KHDRBS2: variants seen among roughly 807,000 people sequenced by gnomAD.
KHDRBS2 encodes KH domain-containing, RNA-binding, signal transduction-associated protein 2.
In KHDRBS2, 26 loss-of-function variants were observed where a neutral mutation model predicts 44.3. The observed-to-expected ratio is 0.59, with a 90% CI of 0.43 to 0.81. The LOEUF (loss-of-function observed/expected upper bound fraction) is 0.81. Among genes scored for constraint, KHDRBS2 ranks in the 40% least tolerant of loss-of-function variants. The pLI is 0.00. For synonymous variants in KHDRBS2, 194 were observed against 151.1 expected (o/e 1.28, Z -2.08); for missense variants, 476 against 433.1 (o/e 1.10, Z -0.88).
At chr6:61,583,700 T>G in the KHDRBS2 span, among the ~76,000 whole-genome samples, 1 of 151,662 alleles carries the variant, frequency 6.6e-6, no homozygotes, top group Admixed American at 6.6e-5. Context: ...CTAGTTCCTT[T>G]GTTTTTTTAA....
At chr6:61,731,324 G>T (rs1330064044) in intron 7 of KHDRBS2, among the ~76,000 whole-genome samples, 1 of 151,932 alleles carries the variant, frequency 6.6e-6, no homozygotes, top group South Asian at 2.1e-4. Context: ...CAGCAAAAGC[G>T]CTTGGCTCAT....
At chr6:62,013,837 C>T (rs1780730938) in intron 3 of KHDRBS2, among the ~76,000 whole-genome samples, 1 of 152,144 alleles carries the variant, frequency 6.6e-6, no homozygotes, top group African/African-American at 2.4e-5. Context: ...GACATAAACA[C>T]TTCAGTAAAG....
At chr6:61,577,148 T>C in the KHDRBS2 span, among the ~76,000 whole-genome samples, 2 of 151,808 alleles carry the variant, frequency 1.3e-5, no homozygotes, top group African/African-American at 4.8e-5. Flanking sequence ...TTTTGTTTTT[T>C]TTTTTTAACC....
At chr6:61,687,859 G>A (rs1301234322) in intron 8 of KHDRBS2, among the ~76,000 whole-genome samples, 1 of 151,696 alleles carries the variant, frequency 6.6e-6, no homozygotes, top group African/African-American at 2.4e-5. Context: ...TGCATGTGAT[G>A]CATAATTTTT....
intron 6 of KHDRBS2, among the ~76,000 whole-genome samples, chr6:61,828,334 A>G (rs374871735): frequency 1.3e-4 from 20 of 152,192 alleles, no homozygotes; most frequent in African/African-American, 4.6e-4. Context: ...AGGTGCTGGT[A>G]TCTTAAGAGG....
the KHDRBS2 span, among the ~76,000 whole-genome samples, chr6:61,629,921 G>T: frequency 1.3e-5 from 2 of 152,108 alleles, no homozygotes; most frequent in East Asian, 1.9e-4. Context: ...ATCTTGCTTT[G>T]TCAAATATAA....
intron 1 of KHDRBS2, among the ~76,000 whole-genome samples, chr6:62,211,856 C>T (rs528684364): frequency 9.9e-5 from 15 of 152,194 alleles, no homozygotes; most frequent in Admixed American, 3.3e-4. Context: ...TACATGCACA[C>T]GTATGTTCAT....
chr6:61,990,319 C>A (rs916831147), intron 3 of KHDRBS2, among the ~76,000 whole-genome samples: 9 of 151,858 alleles, frequency 5.9e-5, no homozygotes, highest in South Asian at 2.1e-4. Context: ...GAAGGTAGAC[C>A]CAGGAAAGTT....
downstream of KHDRBS2, among the ~76,000 whole-genome samples, chr6:61,675,591 A>T (rs1243637141): frequency 6.6e-6 from 1 of 151,818 alleles, no homozygotes; most frequent in African/African-American, 2.4e-5. Flanking sequence ...TAAATATTAC[A>T]TAGTGACCTC....
At chr6:62,067,856 C>A (rs1794108810) in intron 2 of KHDRBS2, among the ~76,000 whole-genome samples, 2 of 151,502 alleles carry the variant, frequency 1.3e-5, no homozygotes, top group Admixed American at 1.3e-4. Context: ...TTTCCTTTAG[C>A]TTACTGTCTT....
chr6:62,237,839 G>A (rs1190967735), intron 1 of KHDRBS2, among the ~76,000 whole-genome samples: 1 of 152,078 alleles, frequency 6.6e-6, no homozygotes, highest in African/African-American at 2.4e-5. Flanking sequence ...AGGAGTTTCA[G>A]GCCAGCTTGG....
the KHDRBS2 span, among the ~76,000 whole-genome samples, chr6:61,620,057 A>G: frequency 6.6e-6 from 1 of 152,146 alleles, no homozygotes; most frequent in Non-Finnish European, 1.5e-5. Context: ...ACCACATAAT[A>G]ATTTTTCCAT....
chr6:61,583,003 TC>T, the KHDRBS2 span, among the ~76,000 whole-genome samples: 2 of 151,786 alleles, frequency 1.3e-5, no homozygotes, highest in South Asian at 4.1e-4. Flanking sequence ...AATGTAAACT[TC>T]CTATGTTTTT....
intron 1 of KHDRBS2, among the ~76,000 whole-genome samples, chr6:62,269,835 G>A (rs1393474631): frequency 6.6e-6 from 1 of 152,022 alleles, no homozygotes; most frequent in South Asian, 2.1e-4. Context: ...CATATGTACA[G>A]TCATGATACT....
the KHDRBS2 span, among the ~76,000 whole-genome samples, chr6:61,645,839 C>T: frequency 1.3e-5 from 2 of 152,142 alleles, no homozygotes; most frequent in Admixed American, 1.3e-4. Flanking sequence ...ATAACATCCT[C>T]AATATCTACC....
rs540881341 is a variant in KHDRBS2 at position 62,261,004 on chromosome 6, A to AGAG, written c.91+24853_91+24854insCTC. ...CTCAGAGCCAGAATTCTCTCCTCCT[A>AGAG]AAATCTGGTCACTGGCAATATATTT... is the stretch of plus-strand genomic sequence containing the variant. On this transcript the variant is annotated intron_variant, in intron 1 of 8. Coordinates refer to ENST00000281156, the MANE Select transcript of KHDRBS2 (RefSeq NM_152688.4). 4.4e-3 allele frequency among the ~76,000 whole-genome samples: 663 copies of AGAG among 152,022 alleles called. 1 individual carries two copies. The highest frequency in any genetic ancestry group is 6.8e-3 in the Non-Finnish European group (459 of 67,892).
At chr6:61,601,572 G>A in the KHDRBS2 span, among the ~76,000 whole-genome samples, 1 of 152,120 alleles carries the variant, frequency 6.6e-6, no homozygotes, top group Non-Finnish European at 1.5e-5. Flanking sequence ...TGACGTCCAG[G>A]CATTATTTTA....
chr6:62,015,504 A>C (rs1478512453), intron 3 of KHDRBS2, among the ~76,000 whole-genome samples: 1 of 152,118 alleles, frequency 6.6e-6, no homozygotes, highest in Non-Finnish European at 1.5e-5. Context: ...TAGTAAAAAC[A>C]TCTTAACCAA....
chr6:61,965,559 T>C (rs1769741662), intron 4 of KHDRBS2, among the ~76,000 whole-genome samples: 1 of 152,026 alleles, frequency 6.6e-6, no homozygotes, highest in African/African-American at 2.4e-5. Flanking sequence ...TCCAGATTGG[T>C]TGAGGGTCAG....
Sources: gnomAD v4.1 joint callset for allele counts (sites outside exome capture counted in the v4.1 genomes callset) on GRCh38, gnomAD v4.1.1 for gene constraint, MANE v1.5 for transcripts, NCBI Gene and HGNC (gene_info 2026-07-23, HGNC 2026-07-21) for gene names.